The following GABRA4 variants were observed in gnomAD, a reference collection of about 807,000 sequenced individuals.
The protein encoded by GABRA4 is gamma-aminobutyric acid receptor subunit alpha-4.
In GABRA4, 12 loss-of-function variants were observed where a neutral mutation model predicts 49.7. The observed-to-expected ratio is 0.24, with a 90% CI of 0.15 to 0.39. The LOEUF (loss-of-function observed/expected upper bound fraction) is 0.39. Ranked by LOEUF, GABRA4 falls within the 10% of genes least tolerant of loss-of-function variation. GABRA4 has a pLI of 1.00. For missense variants in GABRA4, 506 were observed against 686.0 expected (o/e 0.74, Z 2.93); for synonymous variants, 288 against 240.2 (o/e 1.20, Z -1.84).
At chr4:46,949,979 C>T (rs1309415667) in intron 8 of GABRA4, among the ~76,000 whole-genome samples, 1 of 152,050 alleles carries the variant, frequency 6.6e-6, no homozygotes, top group Non-Finnish European at 1.5e-5. Context: ...TGACCATGAT[C>T]TATTTCAGTC....
intron 8 of GABRA4, among the ~76,000 whole-genome samples, chr4:46,933,147 T>C (rs1721501148): frequency 6.6e-6 from 1 of 152,096 alleles, no homozygotes; most frequent in Non-Finnish European, 1.5e-5. Flanking sequence ...AAAGATCAAG[T>C]GTTTTTATTC....
intron 8 of GABRA4, among the ~76,000 whole-genome samples, chr4:46,951,547 A>G (rs943123715): frequency 1.3e-5 from 2 of 151,860 alleles, no homozygotes; most frequent in Non-Finnish European, 2.9e-5. Flanking sequence ...CTGCTTTTTG[A>G]ATACAGAGTC....
chr4:46,974,297 G>A lies in GABRA4; in HGVS notation c.656C>T (p.Ser219Phe). The A allele has an allele frequency of 6.2e-7, 1 of 1,611,782 alleles. No homozygotes were observed. Among genetic ancestry groups the A allele is most frequent in the Non-Finnish European group, 8.5e-7 (1 of 1,178,550 alleles). Residue 219 changes from serine to phenylalanine, a missense_variant, in exon 6 of 9, where the codon TCC becomes TTC. Coordinates refer to ENST00000264318, the MANE Select transcript of GABRA4 (RefSeq NM_000809.4). ...EKSVEVPKES[S>F]SLVQYDLIGQ... ...AATCAAATCATATTGAACTAAGCTG[G>A]AAGACTCCTTCGGAACTTCAACTGA...
Position 46,964,966 on chromosome 4 carries a change from A to T in GABRA4, c.1134+4T>A, listed in dbSNP as rs1169882701. ...TTAAACTGAAGGTGGATTAAGTCAA[A>T]TACCTGCAGAGGGGCTTCAGGATGC... On this transcript the variant is annotated splice_donor_region_variant and intron_variant, in intron 8 of 8. Coordinates refer to ENST00000264318, the MANE Select transcript of GABRA4 (RefSeq NM_000809.4). The T allele has an allele frequency of 6.3e-7, 1 of 1,581,430 alleles. No homozygotes were observed. Among genetic ancestry groups the T allele is most frequent in the Admixed American group, 1.8e-5 (1 of 55,532 alleles).
At chr4:46,960,934 A>G (rs1026295676) in intron 8 of GABRA4, among the ~76,000 whole-genome samples, 3 of 151,832 alleles carry the variant, frequency 2.0e-5, no homozygotes, top group African/African-American at 7.2e-5. Context: ...AAGTTTTTGA[A>G]AGTTTCCATG....
intron 5 of GABRA4, among the ~76,000 whole-genome samples, chr4:46,976,017 C>T (rs1723128898): frequency 1.3e-5 from 2 of 151,880 alleles, no homozygotes; most frequent in African/African-American, 2.4e-5. Context: ...GTTTCACAAT[C>T]AGTGCGACTA....
chr4:46,969,825 CTT>C lies in GABRA4; in HGVS notation c.874+1256_874+1257del, dbSNP rs1051919098. ...TTTTTTTCTCTCTTCTGCTTTCAAA[CTT>C]ATATTTAAGAGCTAAAATTTATTCA... On this transcript the variant is annotated intron_variant, in intron 7 of 8. Coordinates refer to ENST00000264318, the MANE Select transcript of GABRA4 (RefSeq NM_000809.4). Among the ~76,000 whole-genome samples the C allele has an allele frequency of 1.3e-4, 19 of 151,482 alleles. No individual in the cohort carries two copies. The South Asian group carries it at 3.5e-3, about 28-fold the overall frequency.
chr4:46,958,308 T>C (rs1722437604), intron 8 of GABRA4, among the ~76,000 whole-genome samples: 2 of 151,954 alleles, frequency 1.3e-5, no homozygotes, highest in South Asian at 4.1e-4. Context: ...GTACCTGACA[T>C]AACTAATGTT....
chr4:46,948,269 A>T (rs1021069644), intron 8 of GABRA4, among the ~76,000 whole-genome samples: 6 of 152,064 alleles, frequency 3.9e-5, no homozygotes, highest in Non-Finnish European at 8.8e-5. Flanking sequence ...TACCCTGAAA[A>T]TAATCAGATT....
rs750494594 is a variant in GABRA4 at position 46,979,149 on chromosome 4, G to A, written c.206-51C>T. The A allele has an allele frequency of 8.9e-6, 10 of 1,125,488 alleles. No individual in the cohort carries two copies. The East Asian group carries it at 2.1e-4, about 24-fold the overall frequency. The allele number at this position is 1,125,488 out of a possible 1,614,324, so 69.7% of individuals were successfully genotyped here. The stretch of plus-strand genomic sequence containing the variant: ...TGAAAAAATAATTACCAATTTTACA[G>A]GCTGGGAAGGTTAGATAATTACAGA... On this transcript the variant is annotated intron_variant, in intron 2 of 8. Coordinates refer to ENST00000264318, the MANE Select transcript of GABRA4 (RefSeq NM_000809.4).
chr4:46,929,783 C>G (rs1721364763), intron 8 of GABRA4, among the ~76,000 whole-genome samples: 1 of 151,970 alleles, frequency 6.6e-6, no homozygotes, highest in Admixed American at 6.6e-5. Context: ...GTTAGATGAT[C>G]ATTACTTTCC....
At chr4:46,961,772 A>C (rs1389349616) in intron 8 of GABRA4, among the ~76,000 whole-genome samples, 5 of 151,800 alleles carry the variant, frequency 3.3e-5, no homozygotes, top group Non-Finnish European at 7.4e-5. Flanking sequence ...GCTGGTTCAA[A>C]AAAGAAGCTG....
At position 46,924,356 on chromosome 4, in the gene GABRA4, G is replaced by C. The variant is rs1321530545; in HGVS notation, c.*3869C>G. 6.6e-6 allele frequency: 1 copy of C among 152,056 alleles called. No individual in the cohort carries two copies. The highest frequency in any genetic ancestry group is 1.5e-5 in the Non-Finnish European group (1 of 67,982). The allele number at this position is 152,056 out of a possible 1,614,324, so 9.4% of individuals were successfully genotyped here. A position where few individuals can be genotyped will look rare whatever the true frequency, so the allele number is the denominator to read the frequency against. Reference sequence around the variant, plus strand: ...GATGTCCCCATATATATTTGTGCCTGAGATGAGTATCACTCTAGTTTTGGC... The same window carrying C: ...GATGTCCCCATATATATTTGTGCCTCAGATGAGTATCACTCTAGTTTTGGC... On this transcript the variant is annotated 3_prime_UTR_variant, in exon 9 of 9. Transcript: ENST00000264318.
chr4:46,993,241 CT>C, intron 1 of GABRA4, 97 bp downstream of exon 1: 1 of 1,026,104 alleles, frequency 9.7e-7, no homozygotes, highest in Non-Finnish European at 1.5e-6. Context: ...ATAAGAAGAC[CT>C]AGTCCACCCA....
intron 2 of GABRA4, among the ~76,000 whole-genome samples, chr4:46,985,951 A>G (rs998353153): frequency 6.6e-6 from 1 of 152,044 alleles, no homozygotes; most frequent in African/African-American, 2.4e-5. Flanking sequence ...AAAGAAAGAA[A>G]AACATGTTAT....
rs2271428 is a variant in GABRA4 at position 46,979,117 on chromosome 4, A to G, written c.206-19T>C. 1.5e-4 allele frequency: 235 copies of G among 1,519,530 alleles called. 1 individual carries two copies. The East Asian group carries it at 5.2e-3, about 34-fold the overall frequency. The allele number at this position is 1,519,530 out of a possible 1,614,324, so 94.1% of individuals were successfully genotyped here. ...ACAGGACCTAACGGGTATGAAGTAA[A>G]TAAGTGTGAAAAAATAATTACCAAT... On this transcript the variant is annotated intron_variant, in intron 2 of 8. Coordinates refer to ENST00000264318, the MANE Select transcript of GABRA4 (RefSeq NM_000809.4).
rs1057364566 is a variant in GABRA4, at chr4:46,927,189, A to G, written c.*1036T>C. The G allele has an allele frequency of 2.0e-5, 3 of 152,378 alleles. No individual in the cohort carries two copies. The highest frequency in any genetic ancestry group is 2.9e-5 in the Non-Finnish European group (2 of 67,950). The allele number at this position is 152,378 out of a possible 1,614,324, so 9.4% of individuals were successfully genotyped here. A position where few individuals can be genotyped will look rare whatever the true frequency, so the allele number is the denominator to read the frequency against. ...TGCCCTGATTTTTACTTTCAAGTAC[A>G]TAATGCTTTTCACTTATAGAACAAT... On this transcript the variant is annotated 3_prime_UTR_variant, in exon 9 of 9. Coordinates refer to ENST00000264318, the MANE Select transcript of GABRA4 (RefSeq NM_000809.4).
intron 2 of GABRA4, among the ~76,000 whole-genome samples, chr4:46,990,557 A>G (rs1487071312): frequency 6.6e-6 from 1 of 152,222 alleles, no homozygotes; most frequent in East Asian, 1.9e-4. Context: ...ATGTTTTGGT[A>G]TATCAATTTT....
chr4:46,991,718 T>TTA, intron 2 of GABRA4, among the ~76,000 whole-genome samples: 1 of 35,760 alleles, frequency 2.8e-5, no homozygotes, highest in South Asian at 9.5e-4. Flanking sequence ...ACTTGGAACT[T>TTA]GGACTCAATT....
Sources: allele counts gnomAD v4.1 joint callset (sites outside exome capture counted in the v4.1 genomes callset), GRCh38; gene constraint gnomAD v4.1.1; transcripts MANE v1.5; gene names NCBI Gene and HGNC (gene_info 2026-07-23, HGNC 2026-07-21).